The following GDI2 variants were observed in gnomAD, a reference collection of about 807,000 sequenced individuals.
The protein encoded by GDI2 is GDP dissociation inhibitor 2.
Under a neutral mutation model 54.2 loss-of-function variants are expected in GDI2, and 22 were observed. The ratio of observed to expected loss-of-function variants is 0.41; its 90% CI spans 0.29 to 0.58. The LOEUF (loss-of-function observed/expected upper bound fraction) is 0.58. Among genes scored for constraint, GDI2 ranks in the 20% least tolerant of loss-of-function variants. The pLI is 0.35. For missense variants in GDI2, 422 were observed against 546.0 expected, an observed-to-expected ratio of 0.77 and a Z score of 2.26; for synonymous variants, 177 against 182.1, an observed-to-expected ratio of 0.97 and a Z score of 0.23.
chr10:5,794,447 C>A (rs1176361933), intron 4 of GDI2, among the ~76,000 whole-genome samples: 2 of 151,676 alleles, frequency 1.3e-5, no homozygotes, highest in African/African-American at 4.8e-5. Context: ...CTACTTATTA[C>A]GTATGCAATT....
chr10:5,805,432 A>G (rs528998567), intron 1 of GDI2, among the ~76,000 whole-genome samples: 55 of 149,632 alleles, frequency 3.7e-4, no homozygotes, highest in African/African-American at 1.3e-3. Flanking sequence ...CCCAGCCTGG[A>G]GTGCAGTGGT....
rs1438909252 is a variant in GDI2, at chr10:5,776,671, A to T, written c.720-2730T>A. The stretch of plus-strand genomic sequence containing the variant: ...TGGATGTAGATGCTGATTTTGTAGA[A>T]AAGTCAGAGTTATGGAGCTTGCCGC... On this transcript the variant is annotated intron_variant, in intron 6 of 10. Transcript: ENST00000380191. The surrounding 1 kb of genome is among the most constrained non-coding windows in gnomAD (Gnocchi z 5.3). 1.4e-6 allele frequency: 2 copies of T among 1,471,240 alleles called. No homozygotes were observed. Among genetic ancestry groups the T allele is most frequent in the African/African-American group, 2.8e-5 (2 of 71,540 alleles). The allele number at this position is 1,471,240 out of a possible 1,614,324, so 91.1% of individuals were successfully genotyped here. A position where few individuals can be genotyped will look rare whatever the true frequency, so the allele number is the denominator to read the frequency against.
chr10:5,813,033 T>C (rs1841510171), intron 1 of GDI2, among the ~76,000 whole-genome samples, 181 bp downstream of exon 1: 1 of 151,600 alleles, frequency 6.6e-6, no homozygotes, highest in Non-Finnish European at 1.5e-5. Context: ...AGCCGCCCGC[T>C]CGCCCCGGGA....
rs1840341640 is a variant in GDI2 at position 5,766,650 on chromosome 10, T to C, written c.992-12A>G. On this transcript the variant is annotated splice_polypyrimidine_tract_variant and intron_variant, in intron 8 of 10. Transcript: ENST00000380191. The surrounding 1 kb of genome is among the most constrained non-coding windows in gnomAD (Gnocchi z 5.8). Reference sequence around the variant, plus strand: ...GCAGACGTAGATATCTAGAAACAAATGATACCAGCTCACTGCCTCAAGTGT... The same window carrying C: ...GCAGACGTAGATATCTAGAAACAAACGATACCAGCTCACTGCCTCAAGTGT... The C allele has an allele frequency of 1.9e-6, 3 of 1,611,494 alleles. No homozygotes were observed. The highest frequency in any genetic ancestry group is 1.3e-5 in the African/African-American group (1 of 74,880).
At chr10:5,801,532 C>T (rs1047590891) in intron 1 of GDI2, among the ~76,000 whole-genome samples, 3 of 151,838 alleles carry the variant, frequency 2.0e-5, no homozygotes, top group South Asian at 2.1e-4. Context: ...CAAAATTAGC[C>T]GGGCATGGTG....
At chr10:5,792,977 A>C (rs1841051868) in intron 4 of GDI2, among the ~76,000 whole-genome samples, 1 of 151,652 alleles carries the variant, frequency 6.6e-6, no homozygotes. Flanking sequence ...AAAAAAAAAA[A>C]AATTCTATTT....
chr10:5,811,640 A>G (rs1021876240), intron 1 of GDI2, among the ~76,000 whole-genome samples: 8 of 142,742 alleles, frequency 5.6e-5, no homozygotes, highest in Non-Finnish European at 1.1e-4. Flanking sequence ...CTCAGCTTGG[A>G]ATCCCAATTA....
At position 5,813,215 on chromosome 10, in the gene GDI2, G is replaced by A. The variant is rs759415310; in HGVS notation, c.44C>T (p.Thr15Met). Residue 15 changes from threonine to methionine, a missense_variant and splice_region_variant, in exon 1 of 11, where the codon ACG (threonine) becomes ATG (methionine). Coordinates refer to ENST00000380191, the MANE Select transcript of GDI2 (RefSeq NM_001494.4). ...CGGCCCCTCAGCCCTGGCGCCCACC[G>A]TCAGGCCGGTGCCCAGCACGATCAC... ...YDVIVLGTGL[T>M]ECILSGIMSV... The A allele has an allele frequency of 1.3e-6, 2 of 1,580,366 alleles. No homozygotes were observed. The highest frequency in any genetic ancestry group is 8.6e-7 in the Non-Finnish European group (1 of 1,164,744).
intron 6 of GDI2, among the ~76,000 whole-genome samples, chr10:5,781,026 G>C (rs1198295744): frequency 6.6e-6 from 1 of 151,968 alleles, no homozygotes; most frequent in Non-Finnish European, 1.5e-5. Flanking sequence ...GTGTAGTACT[G>C]GCATAGGAAA....
chr10:5,797,158 C>T (rs1672588772), intron 2 of GDI2, among the ~76,000 whole-genome samples: 1 of 152,080 alleles, frequency 6.6e-6, no homozygotes, highest in Admixed American at 6.6e-5. Flanking sequence ...GCCTGTAATC[C>T]CAGCACTTTG....
chr10:5,772,177 C>T (rs909827379), intron 7 of GDI2, among the ~76,000 whole-genome samples: 5 of 152,122 alleles, frequency 3.3e-5, no homozygotes, highest in African/African-American at 1.2e-4. Context: ...CAGTGGAACA[C>T]GATGTGGAGA....
intron 6 of GDI2, among the ~76,000 whole-genome samples, chr10:5,783,870 T>G (rs1840813368): frequency 6.6e-6 from 1 of 152,240 alleles, no homozygotes; most frequent in East Asian, 1.9e-4. Flanking sequence ...GCTCTTAAGA[T>G]TCTTTCCTTC....
rs1273384499 is a variant in GDI2, at chr10:5,766,180, G to C, written c.1192-28C>G. The C allele has an allele frequency of 2.5e-6, 4 of 1,612,186 alleles. No individual in the cohort carries two copies. In the South Asian group the frequency reaches 4.4e-5, roughly 18 times the overall value. ...GAAAACAAAAATTACGAAGACTTAA[G>C]ACCATGGAGGGATGTCTTCCAGTGA... On this transcript the variant is annotated intron_variant, in intron 10 of 10. Transcript: ENST00000380191. The surrounding 1 kb of genome is among the most constrained non-coding windows in gnomAD (Gnocchi z 5.8).
intron 7 of GDI2, among the ~76,000 whole-genome samples, chr10:5,769,592 C>G (rs1029287370): frequency 2.0e-5 from 3 of 149,730 alleles, no homozygotes; most frequent in Non-Finnish European, 4.4e-5. Flanking sequence ...AAAAAAAAAT[C>G]GAAGGACTTG....
At position 5,765,714 on chromosome 10, in the gene GDI2, A is replaced by T; in HGVS notation, c.*292T>A. ...TAGCTACACTGATTAAAAGATTAAA[A>T]AAACTGTCTCAAGTTGTCTGTGTCG... On this transcript the variant is annotated 3_prime_UTR_variant, in exon 11 of 11. Coordinates refer to ENST00000380191, the MANE Select transcript of GDI2 (RefSeq NM_001494.4). 1 of 320,094 alleles carries T rather than the reference A, an allele frequency of 3.1e-6. No homozygotes were observed. Among genetic ancestry groups the T allele is most frequent in the Non-Finnish European group, 5.7e-6 (1 of 176,442 alleles). 19.8% of individuals were successfully genotyped at this position (320,094 alleles called of 1,614,324 possible). A position where few individuals can be genotyped will look rare whatever the true frequency, so the allele number is the denominator to read the frequency against.
intron 2 of GDI2, 117 bp from the exon 3 acceptor site, chr10:5,796,979 G>A (rs1423364710): frequency 3.7e-6 from 2 of 534,634 alleles, no homozygotes; most frequent in East Asian, 3.0e-5. Context: ...TGCTAGTAAA[G>A]TATAAGGGCA....
chr10:5,781,849 C>T (rs2131694568), intron 6 of GDI2, among the ~76,000 whole-genome samples: 1 of 151,338 alleles, frequency 6.6e-6, no homozygotes, highest in Middle Eastern at 3.5e-3. Context: ...ACCCCGTCTA[C>T]CCAAAATACA....
intron 4 of GDI2, among the ~76,000 whole-genome samples, chr10:5,788,748 A>T (rs1231708944): frequency 6.6e-6 from 1 of 150,582 alleles, no homozygotes; most frequent in African/African-American, 2.4e-5. Context: ...TACTGAAAAA[A>T]TTTTTGGAGG....
Position 5,808,768 on chromosome 10 carries a change from A to T in GDI2, c.45+4446T>A, listed in dbSNP as rs117265530. On this transcript the variant is annotated intron_variant, in intron 1 of 10. Transcript: ENST00000380191. ...ACACACAAATGTGATCAGGAGTACAAAGTATCTAATAACTAATATTAAAGT... is the reference window on the plus strand; with the variant it reads ...ACACACAAATGTGATCAGGAGTACATAGTATCTAATAACTAATATTAAAGT... 3.0e-3 allele frequency among the ~76,000 whole-genome samples: 453 copies of T among 151,246 alleles called. 1 individual carries two copies. The highest frequency in any genetic ancestry group is 5.4e-3 in the Non-Finnish European group (363 of 67,822).
Sources: gnomAD v4.1 joint callset for allele counts (sites outside exome capture counted in the v4.1 genomes callset) on GRCh38, gnomAD v4.1.1 for gene constraint, Gnocchi (gnomAD v3.1) non-coding constraint, MANE v1.5 for transcripts, NCBI Gene and HGNC (gene_info 2026-07-23, HGNC 2026-07-21) for gene names.